The following POLD3 variants were observed in gnomAD, a reference collection of about 807,000 sequenced individuals.
POLD3 encodes DNA polymerase delta subunit 3.
A neutral mutation model predicts 58.2 loss-of-function variants in POLD3; 19 were observed. The ratio of observed to expected loss-of-function variants is 0.33; its 90% confidence interval spans 0.23 to 0.48. POLD3 has a LOEUF of 0.48. POLD3 is among the 20% of genes least tolerant of loss of function. The pLI is 0.99. For missense variants in POLD3, 504 were observed against 545.5 expected (o/e 0.92, Z 0.76); for synonymous variants, 172 against 193.5 (o/e 0.89, Z 0.92).
chr11:74,651,907 A>G (rs1156692556), intron 4 of POLD3, among the ~76,000 whole-genome samples: 1 of 152,214 alleles, frequency 6.6e-6, no homozygotes, highest in Non-Finnish European at 1.5e-5. Flanking sequence ...ACTAGTACAT[A>G]CAGAGGGGAA....
intron 3 of POLD3, among the ~76,000 whole-genome samples, chr11:74,609,525 C>T (rs1330137040): frequency 2.0e-5 from 3 of 150,410 alleles, no homozygotes; most frequent in African/African-American, 7.3e-5. Flanking sequence ...GGATTACAGG[C>T]GTCCACCGCC....
intron 2 of POLD3, chr11:74,595,297 C>A (rs755023093): frequency 8.7e-5 from 13 of 149,154 alleles, no homozygotes; most frequent in Non-Finnish European, 1.5e-4. Flanking sequence ...CTGGCAAAAA[C>A]TTTTTATTAT....
At chr11:74,654,544 A>G (rs549130473) in intron 4 of POLD3, among the ~76,000 whole-genome samples, 31 of 152,358 alleles carry the variant, frequency 2.0e-4, no homozygotes, top group African/African-American at 7.2e-4. Context: ...CAAAAACAAA[A>G]TTGATTAAAG....
chr11:74,648,737 C>T (rs2135191920), intron 4 of POLD3, among the ~76,000 whole-genome samples: 1 of 152,246 alleles, frequency 6.6e-6, no homozygotes, highest in South Asian at 2.1e-4. Context: ...TTAGACCTTG[C>T]ACTATAGGCA....
rs752225620 is a variant in POLD3, at chr11:74,610,613, C to T, written c.220-886C>T. 4.6e-5 allele frequency among the ~76,000 whole-genome samples: 7 copies of T among 151,260 alleles called. No homozygotes were observed. In the South Asian group the frequency reaches 6.3e-4, roughly 14 times the overall value. On this transcript the variant is annotated intron_variant, in intron 3 of 11. Transcript: ENST00000263681. ...AAGTTGCAGTTTTTTTCCGCTTTAT[C>T]ATTTGTTTTTGTACTTACGTTTTTT...
intron 2 of POLD3, among the ~76,000 whole-genome samples, chr11:74,594,336 T>A (rs1006411978): frequency 2.0e-5 from 3 of 152,236 alleles, no homozygotes; most frequent in African/African-American, 7.2e-5. Flanking sequence ...CCATCTTATA[T>A]GAACACCAGT....
chr11:74,594,190 T>TAC, intron 2 of POLD3, 74 bp downstream of exon 2: 1 of 873,104 alleles, frequency 1.1e-6, no homozygotes, highest in Non-Finnish European at 2.0e-6. Context: ...CTTTTAACTC[T>TAC]ACAGATAGCC....
intron 2 of POLD3, among the ~76,000 whole-genome samples, chr11:74,594,698 A>C (rs183091556): frequency 4.5e-4 from 69 of 152,296 alleles, no homozygotes; most frequent in Admixed American, 1.4e-3. Context: ...CACACCTGAG[A>C]TTGAATTTAT....
chr11:74,620,083 G>C lies in POLD3; in HGVS notation c.727G>C (p.Ala243Pro), dbSNP rs760269335. The C allele has an allele frequency of 5.5e-5, 89 of 1,608,580 alleles. 1 individual carries two copies. The South Asian group carries it at 9.8e-4, about 18-fold the overall frequency. Residue 243 changes from alanine to proline, a missense_variant, in exon 7 of 12, where the codon GCT (alanine) becomes CCT (proline). Ala to Pro is a conservative substitution (Grantham distance 27, BLOSUM62 -1). Around this residue, in one of 2 missense-constraint regions of POLD3, gnomAD observed 385 missense variants for 370.5 expected, o/e 1.04. Coordinates refer to ENST00000263681, the MANE Select transcript of POLD3 (RefSeq NM_006591.3). ...GATGAGCAACTTTTTTGGAAAAGCT[G>C]CTATGAGTAAGCATGTTCTTACCTC... ...NMMSNFFGKA[A>P]MNKFKVNLDS...
rs61757732 is a variant in POLD3 at position 74,604,764 on chromosome 11, G to T, written c.189G>T (p.Val63=). The change falls in exon 3 of 12, where the codon GTG becomes GTT. Residue 63 remains valine (V), a synonymous_variant. Transcript: ENST00000263681. ...SGAQLHVTYL[V]SGSLIQNGHS... ...CCCAACTGCATGTTACCTACTTGGT[G>T]TCTGGCAGTCTCATTCAGAATGGAC... 1.5e-4 allele frequency: 235 copies of T among 1,605,762 alleles called. 1 individual carries two copies. In the Middle Eastern group the frequency reaches 9.1e-3, roughly 62 times the overall value.
chr11:74,609,373 T>TC, intron 3 of POLD3, among the ~76,000 whole-genome samples: 1 of 16,122 alleles, frequency 6.2e-5, no homozygotes, highest in South Asian at 2.3e-3. Context: ...TATATATATA[T>TC]TTTTTTTTTT....
At chr11:74,661,111 T>C (rs1591330643) in intron 4 of POLD3, among the ~76,000 whole-genome samples, 2 of 152,302 alleles carry the variant, frequency 1.3e-5, no homozygotes, top group Admixed American at 1.3e-4. Context: ...CTCTGTGTTA[T>C]CTTGAATTTC....
At chr11:74,649,533 A>C (rs998346852) in intron 4 of POLD3, among the ~76,000 whole-genome samples, 3 of 152,200 alleles carry the variant, frequency 2.0e-5, no homozygotes, top group African/African-American at 7.2e-5. Flanking sequence ...CAATGATTTA[A>C]TTCTTTTCTA....
chr11:74,595,234 G>C (rs2031194880), intron 2 of POLD3: 2 of 134,840 alleles, frequency 1.5e-5, no homozygotes, highest in Non-Finnish European at 3.1e-5. Context: ...TTGAACTCAA[G>C]GATCCTCCCG....
chr11:74,594,204 A>C (rs1290429280), intron 2 of POLD3, 88 bp downstream of exon 2: 4 of 795,160 alleles, frequency 5.0e-6, no homozygotes, highest in Non-Finnish European at 8.8e-6. Context: ...GATAGCCTAC[A>C]TAGATTAGAG....
At chr11:74,597,977 A>G (rs1489072651) in intron 2 of POLD3, among the ~76,000 whole-genome samples, 2 of 152,158 alleles carry the variant, frequency 1.3e-5, no homozygotes, top group African/African-American at 4.8e-5. Context: ...GCTACTCAGA[A>G]GGCTGAGGCA....
chr11:74,607,239 AT>A (rs1342178497), intron 3 of POLD3, among the ~76,000 whole-genome samples: 40 of 84,508 alleles, frequency 4.7e-4, no homozygotes, highest in African/African-American at 1.8e-3. Context: ...TATTATTATT[AT>A]TATATATTTA....
rs74385358 is a variant in POLD3 at position 74,634,852 on chromosome 11, C to T, written c.1119+157C>T. ...TGTCCTACAGGTTGTACAGAATGGG[C>T]GTTCCCTCCATTCTTACCTGAAGGG... On this transcript the variant is annotated intron_variant, in intron 10 of 11. Transcript: ENST00000263681. Among the ~76,000 whole-genome samples the T allele has an allele frequency of 4.6e-4, 70 of 152,314 alleles. No homozygotes were observed. The East Asian group carries it at 0.012, about 26-fold the overall frequency.
chr11:74,611,661 C>A, intron 4 of POLD3, 123 bp downstream of exon 4: 1 of 618,860 alleles, frequency 1.6e-6, no homozygotes. Context: ...GCCCAATATT[C>A]ATTTTATGAG....
Sources: gnomAD v4.1 joint callset for allele counts (sites outside exome capture counted in the v4.1 genomes callset) on GRCh38, gnomAD v4.1.1 for gene constraint, gnomAD v4.1.1 regional missense constraint, MANE v1.5 for transcripts, NCBI Gene and HGNC (gene_info 2026-07-23, HGNC 2026-07-21) for gene names.